TASP1: variants seen among roughly 807,000 people sequenced by gnomAD.
The protein encoded by TASP1 is threonine aspartase 1.
TASP1 carries 16 observed loss-of-function variants against 56.6 expected under a neutral mutation model. That is an observed-to-expected ratio of 0.28 (90% CI 0.19 to 0.43). TASP1 has a LOEUF of 0.43. Among genes scored for constraint, TASP1 ranks in the 20% least tolerant of loss-of-function variants. The probability of loss-of-function intolerance (pLI) is 1.00; values close to 1 mark genes in which losing one functional copy is unlikely to be tolerated. For synonymous variants in TASP1, 179 were observed against 184.2 expected (o/e 0.97, Z 0.23); for missense variants, 393 against 511.6 (o/e 0.77, Z 2.24).
intron 11 of TASP1, among the ~76,000 whole-genome samples, chr20:13,473,290 G>C (rs2044589889): frequency 1.4e-5 from 2 of 145,290 alleles, no homozygotes; most frequent in South Asian, 4.7e-4. Flanking sequence ...TGAACAATGA[G>C]AACACATGGA....
the TASP1 span, among the ~76,000 whole-genome samples, chr20:13,326,601 T>G: frequency 8.5e-5 from 13 of 152,304 alleles, no homozygotes; most frequent in African/African-American, 3.1e-4. Flanking sequence ...TTGATTTCCT[T>G]AGCGTTTCAT....
chr20:13,594,134 C>G (rs1266063088), intron 4 of TASP1, among the ~76,000 whole-genome samples: 1 of 152,194 alleles, frequency 6.6e-6, no homozygotes, highest in African/African-American at 2.4e-5. Context: ...AGCTGAGGGA[C>G]ATGACTGTTA....
the TASP1 span, among the ~76,000 whole-genome samples, chr20:13,333,186 T>C: frequency 6.6e-6 from 1 of 152,244 alleles, no homozygotes; most frequent in Non-Finnish European, 1.5e-5. Flanking sequence ...GCAGCCAGCC[T>C]GGCATGTACG....
chr20:13,397,630 T>C (rs1369031462), intron 13 of TASP1, among the ~76,000 whole-genome samples: 2 of 152,174 alleles, frequency 1.3e-5, no homozygotes, highest in East Asian at 3.9e-4. Context: ...GAATCAGAGC[T>C]TGCTCAGGAA....
At chr20:13,374,542 G>A in the TASP1 span, among the ~76,000 whole-genome samples, 1 of 152,028 alleles carries the variant, frequency 6.6e-6, no homozygotes, top group African/African-American at 2.4e-5. Context: ...TAGAGATGGG[G>A]TTTCACCGTG....
At chr20:13,548,413 A>G (rs1445743124) in intron 8 of TASP1, among the ~76,000 whole-genome samples, 1 of 152,132 alleles carries the variant, frequency 6.6e-6, no homozygotes, top group African/African-American at 2.4e-5. Context: ...GGCAGGAGAA[A>G]ACAGGCAACT....
At chr20:13,416,241 C>G (rs992312503) in intron 13 of TASP1, among the ~76,000 whole-genome samples, 1 of 152,058 alleles carries the variant, frequency 6.6e-6, no homozygotes, top group Non-Finnish European at 1.5e-5. Flanking sequence ...TGTTCTAAAC[C>G]CTTAAATCAC....
intron 4 of TASP1, among the ~76,000 whole-genome samples, chr20:13,618,843 T>C (rs2048611563): frequency 1.3e-5 from 2 of 151,914 alleles, no homozygotes; most frequent in African/African-American, 4.8e-5. Flanking sequence ...TTTTACTATA[T>C]AAAATGTAAA....
the TASP1 span, chr20:13,292,269 T>C: frequency 4.5e-5 from 32 of 711,830 alleles, no homozygotes; most frequent in African/African-American, 7.2e-5. Context: ...TAGTAATGAA[T>C]ACAAAAAAGG....
At chr20:13,417,658 A>G in intron 12 of TASP1, 137 bp from the exon 13 acceptor site, 1 of 860,086 alleles carries the variant, frequency 1.2e-6, no homozygotes, top group Non-Finnish European at 1.7e-6. Flanking sequence ...TTGTTCATAA[A>G]TGTCAAGATG....
chr20:13,213,359 T>C, the TASP1 span, among the ~76,000 whole-genome samples: 1 of 152,182 alleles, frequency 6.6e-6, no homozygotes, highest in South Asian at 2.1e-4. Context: ...TAACAACAAA[T>C]TTATTTCTCC....
chr20:13,264,739 G>T, the TASP1 span, among the ~76,000 whole-genome samples: 1 of 152,198 alleles, frequency 6.6e-6, no homozygotes, highest in Non-Finnish European at 1.5e-5. Context: ...GGACCAGGAT[G>T]TACTCAGTAT....
the TASP1 span, among the ~76,000 whole-genome samples, chr20:13,252,755 CAA>C: frequency 7.0e-6 from 1 of 142,716 alleles, no homozygotes; most frequent in African/African-American, 2.6e-5. Context: ...GACTCTGTCT[CAA>C]AAAAAAAAAG....
intron 13 of TASP1, among the ~76,000 whole-genome samples, chr20:13,405,199 A>G (rs906051962): frequency 1.3e-5 from 2 of 152,200 alleles, no homozygotes; most frequent in Non-Finnish European, 2.9e-5. Flanking sequence ...AGTTTACTAG[A>G]TATTGTGTGC....
chr20:13,487,275 C>T (rs921448104), intron 10 of TASP1, among the ~76,000 whole-genome samples: 3 of 152,092 alleles, frequency 2.0e-5, no homozygotes, highest in Non-Finnish European at 2.9e-5. Flanking sequence ...GTAGGCCCAG[C>T]GTACACAGCA....
chr20:13,281,319 G>A, the TASP1 span, among the ~76,000 whole-genome samples: 3 of 152,186 alleles, frequency 2.0e-5, no homozygotes, highest in Non-Finnish European at 2.9e-5. Flanking sequence ...GAGAACTCTA[G>A]AAGGGATGTC....
the TASP1 span, chr20:13,237,665 G>C: frequency 6.6e-6 from 1 of 152,148 alleles, no homozygotes; most frequent in Non-Finnish European, 1.5e-5. Flanking sequence ...ATCTCATTGA[G>C]TTGTAGAGTT....
intron 12 of TASP1, among the ~76,000 whole-genome samples, chr20:13,434,089 G>C (rs78406267): frequency 0.017 from 2,542 of 152,076 alleles, 71 homozygotes; most frequent in African/African-American, 0.056. Flanking sequence ...AACTTTGGAG[G>C]GGATAAAGAC....
At chr20:13,299,436 T>G in the TASP1 span, 1 of 1,604,630 alleles carries the variant, frequency 6.2e-7, no homozygotes, top group South Asian at 1.1e-5. The surrounding 1 kb of genome is among the most constrained non-coding windows in gnomAD (Gnocchi z 5.8). Flanking sequence ...CATCAAGCAG[T>G]TCCAAGAGGC....
Sources: gnomAD v4.1 joint callset for allele counts (sites outside exome capture counted in the v4.1 genomes callset) on GRCh38, gnomAD v4.1.1 for gene constraint, Gnocchi (gnomAD v3.1) non-coding constraint, MANE v1.5 for transcripts, NCBI Gene and HGNC (gene_info 2026-07-23, HGNC 2026-07-21) for gene names.